Variants in PCDHGA9 observed in about 807,000 individuals in gnomAD.
The protein encoded by PCDHGA9 is protocadherin gamma subfamily A, 9.
A neutral mutation model predicts 62.5 loss-of-function variants in PCDHGA9; 37 were observed. That is an observed-to-expected ratio of 0.59 (90% CI 0.46 to 0.78). The LOEUF is 0.78. PCDHGA9 is among the 30% of genes least tolerant of loss of function. PCDHGA9 has a pLI of 0.00. For synonymous variants in PCDHGA9, 459 were observed against 484.6 expected, an observed-to-expected ratio of 0.95 and a Z score of 0.69; for missense variants, 1,138 against 1,166.2, an observed-to-expected ratio of 0.98 and a Z score of 0.35.
In PCDHGA9 at chr5:141,489,873, G is replaced by A. The variant is rs1252665956; in HGVS notation, c.2425-4934G>A. The A allele has an allele frequency of 4.3e-6, 7 of 1,614,224 alleles. No homozygotes were observed. The highest frequency in any genetic ancestry group is 5.9e-6 in the Non-Finnish European group (7 of 1,180,030). On this transcript the variant is annotated intron_variant, in intron 1 of 3. Coordinates refer to ENST00000573521, the MANE Select transcript of PCDHGA9 (RefSeq NM_018921.3). The surrounding 1 kb of genome is among the most constrained non-coding windows in gnomAD (Gnocchi z 4.5). Reference sequence around the variant, plus strand: ...AAGCCCAGGCAAGACATCAGCTGGTGCTTACTGCTGTGGATGGGGGGACCC... The same window carrying A: ...AAGCCCAGGCAAGACATCAGCTGGTACTTACTGCTGTGGATGGGGGGACCC...
In PCDHGA9 at chr5:141,487,128, G is replaced by T. The variant is rs565927415; in HGVS notation, c.2425-7679G>T. On this transcript the variant is annotated intron_variant, in intron 1 of 3. Transcript: ENST00000573521. This position sits in a 1 kb window ranked among gnomAD's most constrained non-coding sequence, Gnocchi z 5.0. ...GTCATTGTGGTAAAGGATAGTGGTA[G>T]TCCACCACTCTCTACCTCTGTTACT... The T allele has an allele frequency of 6.3e-5, 102 of 1,614,086 alleles. No individual in the cohort carries two copies. The South Asian group carries it at 7.7e-4, about 12-fold the overall frequency.
At chr5:141,411,562 C>A (rs569842846) in intron 1 of PCDHGA9, 1 of 152,054 alleles carries the variant, frequency 6.6e-6, no homozygotes, top group Non-Finnish European at 1.5e-5. Context: ...CCAGCCTGGG[C>A]GACAGAGTGC....
rs1029080327 is a variant in PCDHGA9 at position 141,512,737 on chromosome 5, G to C, written c.*1564G>C. 6.5e-5 allele frequency: 10 copies of C among 152,868 alleles called. No individual in the cohort carries two copies. The highest frequency in any genetic ancestry group is 2.4e-4 in the African/African-American group (10 of 41,472). 9.5% of individuals were successfully genotyped at this position (152,868 alleles called of 1,614,324 possible). On this transcript the variant is annotated 3_prime_UTR_variant, in exon 4 of 4. Transcript: ENST00000573521. Reference sequence around the variant, plus strand: ...ATGGCGGGTGGGCAGCGGGCGGCGGGCTCCGCGCAGCCGTCTGTCCTTGAT... The same window carrying C: ...ATGGCGGGTGGGCAGCGGGCGGCGGCCTCCGCGCAGCCGTCTGTCCTTGAT...
intron 1 of PCDHGA9, among the ~76,000 whole-genome samples, chr5:141,446,247 A>T (rs969960822): frequency 6.6e-6 from 1 of 152,160 alleles, no homozygotes; most frequent in African/African-American, 2.4e-5. Context: ...GTAGATCTTC[A>T]GTGAAATATT....
At chr5:141,409,294 G>T (rs1438036410) in intron 1 of PCDHGA9, 11 of 1,613,826 alleles carry the variant, frequency 6.8e-6, no homozygotes, top group South Asian at 1.1e-5. Flanking sequence ...CTCCAGGAAT[G>T]GTTGTTGCCC....
intron 1 of PCDHGA9, among the ~76,000 whole-genome samples, chr5:141,407,024 A>G (rs909800590): frequency 6.6e-6 from 1 of 152,232 alleles, no homozygotes; most frequent in Non-Finnish European, 1.5e-5. Context: ...TCAAAATTCT[A>G]TGCTAAACAT....
chr5:141,427,776 G>A (rs3828681), intron 1 of PCDHGA9: 73,622 of 1,424,156 alleles, frequency 0.052, 2,339 homozygotes, highest in African/African-American at 0.13. Flanking sequence ...GGAGCTGCGG[G>A]CACTGTCGTC....
In PCDHGA9 at chr5:141,403,612, G is replaced by A. The variant is rs1314297922; in HGVS notation, c.660G>A (p.Pro220=). The A allele has an allele frequency of 6.2e-7, 1 of 1,613,854 alleles. No homozygotes were observed. Among genetic ancestry groups the A allele is most frequent in the Non-Finnish European group, 8.5e-7 (1 of 1,179,884 alleles). Residue 220 remains proline (P), a synonymous_variant, in exon 1 of 4, where the codon CCG becomes CCA. Coordinates refer to ENST00000573521, the MANE Select transcript of PCDHGA9 (RefSeq NM_018921.3). ...TCACGGCCTCGGATGGCGGCGAGCC[G>A]CGTCGCTCCAGCACAGTGCGCATCC... ...LVLTASDGGE[P]RRSSTVRIHV... is the part of the protein sequence containing the mutation.
chr5:141,421,715 T>G (rs756472123), intron 1 of PCDHGA9: 1 of 1,613,960 alleles, frequency 6.2e-7, no homozygotes, highest in Admixed American at 1.7e-5. Context: ...GATCCAGATG[T>G]GGGCGTGAAC....
At position 141,487,398 on chromosome 5, in the gene PCDHGA9, G is replaced by A. The variant is rs1342197934; in HGVS notation, c.2425-7409G>A. 1.9e-6 allele frequency: 3 copies of A among 1,613,926 alleles called. No individual in the cohort carries two copies. The African/African-American group carries it at 4.0e-5, about 22-fold the overall frequency. ...CTCACCAGATCTCGAAGGAGGGAGGGGCTTCCCCCTTCCAATGGGATCCTC... is the reference window on the plus strand; with the variant it reads ...CTCACCAGATCTCGAAGGAGGGAGGAGCTTCCCCCTTCCAATGGGATCCTC... On this transcript the variant is annotated intron_variant, in intron 1 of 3. Transcript: ENST00000573521. The surrounding 1 kb of genome is among the most constrained non-coding windows in gnomAD (Gnocchi z 5.0).
intron 1 of PCDHGA9, chr5:141,419,781 G>T: frequency 6.2e-7 from 1 of 1,614,032 alleles, no homozygotes; most frequent in Non-Finnish European, 8.5e-7. Context: ...GTCCGCCAGC[G>T]CCTGCTAGTC....
intron 2 of PCDHGA9, among the ~76,000 whole-genome samples, chr5:141,497,478 C>T (rs974494984): frequency 6.0e-5 from 9 of 150,954 alleles, no homozygotes; most frequent in South Asian, 4.2e-4. Context: ...GGAGAAGGTG[C>T]GGAACCTCTC....
chr5:141,414,992 C>T, intron 1 of PCDHGA9: 2 of 1,613,770 alleles, frequency 1.2e-6, no homozygotes, highest in Non-Finnish European at 1.7e-6. Flanking sequence ...GGCCAGAACG[C>T]CTGGCTGTCC....
At chr5:141,415,114 G>C (rs186848544) in intron 1 of PCDHGA9, 1 of 1,613,648 alleles carries the variant, frequency 6.2e-7, no homozygotes, top group Non-Finnish European at 8.5e-7. Flanking sequence ...GCAAAGCCTC[G>C]TAGTGGCCGT....
intron 1 of PCDHGA9, among the ~76,000 whole-genome samples, chr5:141,460,221 C>T (rs931609262): frequency 3.4e-4 from 51 of 151,918 alleles, no homozygotes; most frequent in African/African-American, 1.2e-3. Flanking sequence ...TTAGTTGTGT[C>T]TTTTGAAGAG....
chr5:141,446,088 T>C (rs2098487177), intron 1 of PCDHGA9, among the ~76,000 whole-genome samples: 1 of 152,100 alleles, frequency 6.6e-6, no homozygotes, highest in African/African-American at 2.4e-5. Flanking sequence ...TAGAAATAAA[T>C]GGATGAATTA....
intron 2 of PCDHGA9, 117 bp downstream of exon 2, chr5:141,494,982 G>C: frequency 6.4e-7 from 1 of 1,563,940 alleles, no homozygotes; most frequent in Non-Finnish European, 8.7e-7. Context: ...CTCAGTTTGA[G>C]ATCCCAGGGA....
chr5:141,504,546 G>A (rs911626023), intron 2 of PCDHGA9, among the ~76,000 whole-genome samples: 5 of 151,802 alleles, frequency 3.3e-5, no homozygotes, highest in African/African-American at 1.2e-4. Flanking sequence ...CATGGCAAAT[G>A]TTGGGGGACT....
In PCDHGA9 at chr5:141,511,032, G is replaced by A; in HGVS notation, c.2658G>A (p.Gln886=). 1.2e-6 allele frequency: 2 copies of A among 1,614,228 alleles called. No homozygotes were observed. The highest frequency in any genetic ancestry group is 2.2e-5 in the East Asian group (1 of 44,888). The change falls in exon 4 of 4, where the codon CAG becomes CAA. Residue 886 remains glutamine, a synonymous_variant. Transcript: ENST00000573521. Reference sequence around the variant, plus strand: ...GCTACGGACCCCAGTTCACCCTGCAGCACGTGCCCGACTACCGCCAGAATG... The same window carrying A: ...GCTACGGACCCCAGTTCACCCTGCAACACGTGCCCGACTACCGCCAGAATG... ...SARYGPQFTL[Q]HVPDYRQNVY...
Sources: gnomAD v4.1 joint callset for allele counts (sites outside exome capture counted in the v4.1 genomes callset) on GRCh38, gnomAD v4.1.1 for gene constraint, Gnocchi (gnomAD v3.1) non-coding constraint, MANE v1.5 for transcripts, NCBI Gene and HGNC (gene_info 2026-07-23, HGNC 2026-07-21) for gene names.